The following LRMDA variants were observed in gnomAD, a reference collection of about 807,000 sequenced individuals.
LRMDA encodes the protein leucine rich melanocyte differentiation associated.
LRMDA carries 18 observed loss-of-function variants against 29.8 expected under a neutral mutation model. The ratio of observed to expected loss-of-function variants is 0.60; its 90% CI spans 0.42 to 0.90. LRMDA has a LOEUF of 0.90. Among genes scored for constraint, LRMDA ranks in the 40% least tolerant of loss-of-function variants. LRMDA has a pLI of 0.00. For missense variants in LRMDA, 273 were observed against 273.9 expected, an observed-to-expected ratio of 1.00 and a Z score of 0.02; for synonymous variants, 125 against 109.4, an observed-to-expected ratio of 1.14 and a Z score of -0.89.
chr10:75,923,546 G>A (rs1463835982), intron 2 of LRMDA, among the ~76,000 whole-genome samples: 3 of 152,104 alleles, frequency 2.0e-5, no homozygotes, highest in African/African-American at 7.2e-5. Flanking sequence ...GATCCTTCCC[G>A]TGATTCCCCC....
At chr10:76,363,251 GAAA>G (rs1298255570) in intron 6 of LRMDA, among the ~76,000 whole-genome samples, 1 of 58,968 alleles carries the variant, frequency 1.7e-5, no homozygotes, top group African/African-American at 6.7e-5. Flanking sequence ...AAGAAAGAAA[GAAA>G]GAAGGAAGGA....
intron 2 of LRMDA, among the ~76,000 whole-genome samples, chr10:75,494,161 T>C (rs1845019525): frequency 6.6e-6 from 1 of 152,264 alleles, no homozygotes. Context: ...GCCTAATTAA[T>C]GATGAATCCA....
At chr10:75,879,096 C>T (rs1260163130) in intron 2 of LRMDA, among the ~76,000 whole-genome samples, 1 of 152,214 alleles carries the variant, frequency 6.6e-6, no homozygotes, top group Non-Finnish European at 1.5e-5. Flanking sequence ...ACTCTTCAAC[C>T]GATCTCACAA....
intron 5 of LRMDA, among the ~76,000 whole-genome samples, chr10:76,141,403 G>A (rs527829154): frequency 3.3e-5 from 5 of 152,182 alleles, no homozygotes; most frequent in African/African-American, 1.2e-4. Context: ...CATACTAGTA[G>A]CTGGCGCAGT....
chr10:76,263,385 G>GA (rs1839967217), intron 5 of LRMDA, among the ~76,000 whole-genome samples: 2 of 151,930 alleles, frequency 1.3e-5, no homozygotes, highest in South Asian at 4.2e-4. Flanking sequence ...AATCAAAATA[G>GA]AAAAAAACTC....
chr10:76,178,108 G>A (rs1850974299), intron 5 of LRMDA, among the ~76,000 whole-genome samples: 2 of 152,212 alleles, frequency 1.3e-5, no homozygotes, highest in African/African-American at 4.8e-5. Context: ...CAAATGAAAT[G>A]TCAGTCTGCT....
intron 2 of LRMDA, chr10:75,782,984 G>A: frequency 6.2e-7 from 1 of 1,613,980 alleles, no homozygotes. Flanking sequence ...GAATGGAAAA[G>A]TATTTGTCAC....
At chr10:75,996,564 G>A (rs1847465501) in intron 2 of LRMDA, among the ~76,000 whole-genome samples, 1 of 152,018 alleles carries the variant, frequency 6.6e-6, no homozygotes, top group Admixed American at 6.6e-5. Flanking sequence ...AACTTGATGG[G>A]GTTTACCACA....
At chr10:76,254,700 C>T (rs970406068) in intron 5 of LRMDA, among the ~76,000 whole-genome samples, 8 of 151,886 alleles carry the variant, frequency 5.3e-5, no homozygotes, top group African/African-American at 1.9e-4. Context: ...AGGATTTTCC[C>T]TCTTCACCTC....
rs114241982 is a variant in LRMDA at position 75,659,913 on chromosome 10, G to T, written c.131+221419G>T. On this transcript the variant is annotated intron_variant, in intron 2 of 6. Coordinates refer to ENST00000611255, the MANE Select transcript of LRMDA (RefSeq NM_001305581.2). ...GCTTCCTCCTCCATCATTGCCCTAT[G>T]ATTTTTTTGCTCTTCACTAAGTGAG... is the stretch of plus-strand genomic sequence containing the variant. 2.8e-3 allele frequency among the ~76,000 whole-genome samples: 421 copies of T among 152,146 alleles called. 1 individual carries two copies. The highest frequency in any genetic ancestry group is 5.0e-3 in the Non-Finnish European group (342 of 67,992).
At chr10:75,793,550 C>G (rs931255073) in intron 2 of LRMDA, among the ~76,000 whole-genome samples, 1 of 152,178 alleles carries the variant, frequency 6.6e-6, no homozygotes, top group African/African-American at 2.4e-5. Flanking sequence ...CACTTTCAGG[C>G]ACATGTATAA....
intron 6 of LRMDA, among the ~76,000 whole-genome samples, chr10:76,396,289 C>G (rs1841782977): frequency 6.6e-6 from 1 of 152,152 alleles, no homozygotes; most frequent in Admixed American, 6.5e-5. Context: ...ATGTTGGCAT[C>G]CAAATATTCA....
At chr10:75,935,789 C>G (rs1332979565) in intron 2 of LRMDA, among the ~76,000 whole-genome samples, 1 of 152,158 alleles carries the variant, frequency 6.6e-6, no homozygotes, top group East Asian at 1.9e-4. Context: ...AGCCGTCTGT[C>G]CACATGCAAC....
chr10:76,252,925 A>G (rs1852511402), intron 5 of LRMDA, among the ~76,000 whole-genome samples: 1 of 152,100 alleles, frequency 6.6e-6, no homozygotes, highest in African/African-American at 2.4e-5. Context: ...TTGATATTAG[A>G]CTCGTGGAAC....
chr10:75,447,899 A>G (rs1471594925), intron 2 of LRMDA, among the ~76,000 whole-genome samples: 2 of 152,312 alleles, frequency 1.3e-5, no homozygotes, highest in East Asian at 3.9e-4. Flanking sequence ...AACAACAAAC[A>G]AACAAAAATC....
At chr10:75,936,764 T>C (rs1482181164) in intron 2 of LRMDA, among the ~76,000 whole-genome samples, 1 of 152,134 alleles carries the variant, frequency 6.6e-6, no homozygotes, top group African/African-American at 2.4e-5. Flanking sequence ...AGGGCACTAA[T>C]CCCATTCAGG....
chr10:76,035,443 G>GA (rs113540060), intron 2 of LRMDA, among the ~76,000 whole-genome samples: 29 of 148,332 alleles, frequency 2.0e-4, no homozygotes, highest in East Asian at 1.2e-3. Flanking sequence ...AAAGGCAGAG[G>GA]AAAAAAAAAA....
chr10:75,564,189 G>C (rs1488007427), intron 2 of LRMDA, among the ~76,000 whole-genome samples: 1 of 152,150 alleles, frequency 6.6e-6, no homozygotes. Flanking sequence ...GCTGCACCCA[G>C]TTGGAGCTTC....
At chr10:75,481,477 A>C (rs140059475) in intron 2 of LRMDA, among the ~76,000 whole-genome samples, 113 of 152,238 alleles carry the variant, frequency 7.4e-4, no homozygotes, top group Middle Eastern at 3.4e-3. Context: ...GATTTGATAG[A>C]ATGGTGGGCT....
Sources: allele counts gnomAD v4.1 joint callset (sites outside exome capture counted in the v4.1 genomes callset), GRCh38; gene constraint gnomAD v4.1.1; transcripts MANE v1.5; gene names NCBI Gene and HGNC (gene_info 2026-07-23, HGNC 2026-07-21).